The following MAD1L1 variants were observed in gnomAD, a reference collection of about 807,000 sequenced individuals.
MAD1L1 encodes the protein mitotic spindle assembly checkpoint protein MAD1.
Under a neutral mutation model 96.9 loss-of-function variants are expected in MAD1L1, and 95 were observed. That is an observed-to-expected ratio of 0.98 (90% CI 0.83 to 1.16). The LOEUF is 1.16. MAD1L1 is among the 50% of genes most tolerant of loss of function. MAD1L1 has a pLI of 0.00. For synonymous variants in MAD1L1, 473 were observed against 396.6 expected (o/e 1.19, Z -2.29); for missense variants, 1,007 against 954.4 (o/e 1.06, Z -0.73).
At chr7:2,184,482 T>G (rs1791364248) in intron 10 of MAD1L1, among the ~76,000 whole-genome samples, 1 of 152,168 alleles carries the variant, frequency 6.6e-6, no homozygotes, top group Non-Finnish European at 1.5e-5. Flanking sequence ...ACCACCACCT[T>G]GGAAGACAGT....
At chr7:1,961,163 G>C (rs1779937146) in intron 15 of MAD1L1, among the ~76,000 whole-genome samples, 1 of 152,192 alleles carries the variant, frequency 6.6e-6, no homozygotes, top group Admixed American at 6.5e-5. Flanking sequence ...TCTGGGTGTT[G>C]GGAACGCACT....
chr7:2,145,138 G>A (rs762101292), intron 11 of MAD1L1, among the ~76,000 whole-genome samples: 9 of 152,094 alleles, frequency 5.9e-5, no homozygotes, highest in Admixed American at 4.6e-4. Flanking sequence ...AGCCAGCCCC[G>A]GACCCTTCGT....
intron 14 of MAD1L1, among the ~76,000 whole-genome samples, chr7:1,985,297 C>A (rs1011120818): frequency 6.6e-6 from 1 of 152,256 alleles, no homozygotes; most frequent in Non-Finnish European, 1.5e-5. Context: ...CTGAGCGGGG[C>A]AGCTCCCGTT....
intron 17 of MAD1L1, among the ~76,000 whole-genome samples, chr7:1,927,707 T>C (rs114907221): frequency 0.022 from 3,331 of 152,226 alleles, 149 homozygotes; most frequent in African/African-American, 0.075. Flanking sequence ...GGGTCACAGA[T>C]TTAAATGTGA....
chr7:2,062,958 G>C (rs1397357504), intron 12 of MAD1L1, among the ~76,000 whole-genome samples: 1 of 152,204 alleles, frequency 6.6e-6, no homozygotes, highest in Non-Finnish European at 1.5e-5. Context: ...AGCCACAGAA[G>C]CGTGGCTCTA....
intron 11 of MAD1L1, among the ~76,000 whole-genome samples, chr7:2,093,082 A>AAAT (rs1554365102): frequency 1.3e-4 from 19 of 151,712 alleles, no homozygotes; most frequent in South Asian, 6.3e-4. Context: ...CAAAAAAAAA[A>AAAT]ATATATACAA....
intron 11 of MAD1L1, among the ~76,000 whole-genome samples, chr7:2,141,845 G>A (rs867991013): frequency 1.3e-5 from 2 of 152,196 alleles, no homozygotes; most frequent in African/African-American, 2.4e-5. Context: ...CCTGGCTCCC[G>A]GGACAGGTGC....
chr7:1,998,391 C>T (rs1240783036), intron 14 of MAD1L1, among the ~76,000 whole-genome samples: 1 of 152,258 alleles, frequency 6.6e-6, no homozygotes, highest in Non-Finnish European at 1.5e-5. Context: ...CTGCAGGTGC[C>T]GGGCAGGTGG....
At chr7:1,891,001 G>C (rs1437867425) in intron 18 of MAD1L1, among the ~76,000 whole-genome samples, 1 of 152,210 alleles carries the variant, frequency 6.6e-6, no homozygotes, top group Non-Finnish European at 1.5e-5. Context: ...GGCGGGATCA[G>C]ACAGACGCCA....
chr7:1,832,630 T>TTTTGGG (rs56664541), intron 18 of MAD1L1, among the ~76,000 whole-genome samples: 4 of 2,346 alleles, frequency 1.7e-3, no homozygotes, highest in Non-Finnish European at 3.3e-3. Flanking sequence ...TTTTTTTTTT[T>TTTTGGG]GGCGGGGGGG....
intron 17 of MAD1L1, among the ~76,000 whole-genome samples, chr7:1,929,714 C>T (rs1298308554): frequency 6.6e-6 from 1 of 150,880 alleles, no homozygotes; most frequent in African/African-American, 2.4e-5. Context: ...TGCCACGTCC[C>T]CTCGCCCATC....
At chr7:2,048,487 G>A (rs1174567045) in intron 12 of MAD1L1, among the ~76,000 whole-genome samples, 1 of 152,216 alleles carries the variant, frequency 6.6e-6, no homozygotes, top group Non-Finnish European at 1.5e-5. Flanking sequence ...TACATCGAAT[G>A]CCCACTCACT....
At chr7:2,120,565 C>G (rs1417836336) in intron 11 of MAD1L1, among the ~76,000 whole-genome samples, 2 of 152,256 alleles carry the variant, frequency 1.3e-5, no homozygotes, top group Non-Finnish European at 2.9e-5. Flanking sequence ...GCCAGACTCC[C>G]CGTGCCCCCA....
chr7:1,944,267 G>C (rs1779127468), intron 16 of MAD1L1, among the ~76,000 whole-genome samples: 1 of 152,210 alleles, frequency 6.6e-6, no homozygotes, highest in Non-Finnish European at 1.5e-5. Flanking sequence ...CCTTGAGAGG[G>C]GATCAAAACG....
chr7:2,116,613 G>A (rs149668563), intron 11 of MAD1L1, among the ~76,000 whole-genome samples: 1 of 151,888 alleles, frequency 6.6e-6, no homozygotes, highest in Non-Finnish European at 1.5e-5. Context: ...GCAGGAGGTG[G>A]CGGTCAGCGG....
At chr7:1,956,012 G>A (rs575346275) in intron 16 of MAD1L1, among the ~76,000 whole-genome samples, 157 of 151,982 alleles carry the variant, frequency 1.0e-3, no homozygotes, top group African/African-American at 3.4e-3. Context: ...AGGGGGGAGC[G>A]GGAGGCCGAC....
intron 10 of MAD1L1, among the ~76,000 whole-genome samples, chr7:2,201,117 C>T (rs577440042): frequency 1.3e-5 from 2 of 152,276 alleles, no homozygotes; most frequent in East Asian, 1.9e-4. Context: ...CCAAAGCTGA[C>T]GTTGAGGAAT....
chr7:1,868,836 C>T (rs1470900994), intron 18 of MAD1L1, among the ~76,000 whole-genome samples: 2 of 152,202 alleles, frequency 1.3e-5, no homozygotes, highest in Admixed American at 1.3e-4. Context: ...CCTCCCCACA[C>T]AGGGGCCCAG....
intron 15 of MAD1L1, among the ~76,000 whole-genome samples, chr7:1,963,984 AC>A (rs1025902940): frequency 3.9e-5 from 6 of 152,170 alleles, no homozygotes; most frequent in African/African-American, 9.7e-5. Context: ...GGCTTTACAA[AC>A]AACCCCCTCA....
Sources: gnomAD v4.1 joint callset for allele counts (sites outside exome capture counted in the v4.1 genomes callset) on GRCh38, gnomAD v4.1.1 for gene constraint, MANE v1.5 for transcripts, NCBI Gene and HGNC (gene_info 2026-07-23, HGNC 2026-07-21) for gene names.